The following ATP1B1 variants were observed in gnomAD, a reference collection of about 807,000 sequenced individuals.
The protein encoded by ATP1B1 is ATPase Na+/K+ transporting subunit beta 1.
Under a neutral mutation model 39.6 loss-of-function variants are expected in ATP1B1, and 3 were observed. That is an observed-to-expected ratio of 0.08 (90% CI 0.03 to 0.20). The LOEUF (loss-of-function observed/expected upper bound fraction) is 0.20, where lower values mean the gene tolerates loss of function less well. Ranked by LOEUF, ATP1B1 falls within the 10% of genes least tolerant of loss-of-function variation. The pLI, the probability that ATP1B1 is intolerant of heterozygous loss-of-function variation, is 1.00. For missense variants in ATP1B1, 216 were observed against 371.1 expected (o/e 0.58, Z 3.43); for synonymous variants, 139 against 135.0 (o/e 1.03, Z -0.20).
chr1:169,127,120 C>A, intron 3 of ATP1B1, 104 bp from the exon 4 acceptor site: 1 of 1,220,806 alleles, frequency 8.2e-7, no homozygotes, highest in Non-Finnish European at 1.1e-6. Context: ...TGCAGAATAG[C>A]GTACTCTCAG....
In ATP1B1 at chr1:169,113,963, GGTT is replaced by G. The variant is rs1657780491; in HGVS notation, c.226+2466_226+2468del. Among the ~76,000 whole-genome samples the G allele has an allele frequency of 2.6e-5, 4 of 152,188 alleles. No individual in the cohort carries two copies. In the South Asian group the frequency reaches 6.2e-4, roughly 24 times the overall value. On this transcript the variant is annotated intron_variant, in intron 2 of 5. Transcript: ENST00000367815. ...CCTCTTCACCTGCCTTACCCTGTGG[GGTT>G]TTTCGGGGGCCTTTACCAAGGGACA...
At chr1:169,108,832 G>A (rs1486992040) in intron 1 of ATP1B1, among the ~76,000 whole-genome samples, 1 of 152,170 alleles carries the variant, frequency 6.6e-6, no homozygotes, top group Non-Finnish European at 1.5e-5. Flanking sequence ...CATGTTCCAC[G>A]GTACAGGTGC....
intron 2 of ATP1B1, 149 bp downstream of exon 2, chr1:169,111,647 C>G: frequency 8.6e-7 from 1 of 1,160,868 alleles, no homozygotes; most frequent in Non-Finnish European, 1.2e-6. Context: ...TCGGCTGCAG[C>G]CAGATGTCCT....
At chr1:169,119,665 T>C (rs1657931167) in intron 2 of ATP1B1, among the ~76,000 whole-genome samples, 2 of 152,184 alleles carry the variant, frequency 1.3e-5, no homozygotes, top group Non-Finnish European at 2.9e-5. Flanking sequence ...AGAATTTGGG[T>C]GTGGCCTCAA....
Position 169,124,926 on chromosome 1 carries a change from T to G in ATP1B1, c.269T>G (p.Phe90Cys). Residue 90 changes from phenylalanine to cysteine, a missense_variant, in exon 3 of 6, where the codon TTT becomes TGT. Phe to Cys is a radical substitution (Grantham distance 205, BLOSUM62 -2). Transcript: ENST00000367815. ...IPQIQKTEIS[F>C]RPNDPKSYEA... ...CAGATCCAGAAGACTGAAATTTCCT[T>G]TCGTCCTAATGATCCCAAGAGCTAT... 1 of 1,614,010 alleles carries G rather than the reference T, an allele frequency of 6.2e-7. No homozygotes were observed. The highest frequency in any genetic ancestry group is 8.5e-7 in the Non-Finnish European group (1 of 1,179,958).
chr1:169,125,775 A>T (rs1056442450), intron 3 of ATP1B1, among the ~76,000 whole-genome samples: 1 of 152,068 alleles, frequency 6.6e-6, no homozygotes, highest in Non-Finnish European at 1.5e-5. Flanking sequence ...GGAGTTCGAG[A>T]CCAACCTGGG....
At chr1:169,127,706 A>G (rs543568334) in intron 4 of ATP1B1, among the ~76,000 whole-genome samples, 9 of 152,108 alleles carry the variant, frequency 5.9e-5, no homozygotes, top group African/African-American at 2.2e-4. Flanking sequence ...TATAACATAA[A>G]CTCTTTAAAA....
chr1:169,129,544 A>T (rs944915242), intron 4 of ATP1B1, among the ~76,000 whole-genome samples: 10 of 152,364 alleles, frequency 6.6e-5, no homozygotes, highest in South Asian at 6.2e-4. Flanking sequence ...ACAACAAAAA[A>T]GGAAAGCCTA....
intron 4 of ATP1B1, among the ~76,000 whole-genome samples, chr1:169,128,178 G>A (rs1352062270): frequency 2.0e-5 from 3 of 152,080 alleles, no homozygotes; most frequent in African/African-American, 7.2e-5. Flanking sequence ...TTCCCCTTAA[G>A]CCTGGCTTCT....
rs372350488 is a variant in ATP1B1, at chr1:169,127,210, G to A, written c.383-14G>A. 1.3e-5 allele frequency: 21 copies of A among 1,559,746 alleles called. No homozygotes were observed. The African/African-American group carries it at 1.8e-4, about 13-fold the overall frequency. ...ATTGCTGGTACAATATAAAAGTTGT[G>A]TTTTTATTTTTAGATGTGCCCAGTG... On this transcript the variant is annotated splice_polypyrimidine_tract_variant and intron_variant, in intron 3 of 5. Transcript: ENST00000367815.
chr1:169,128,675 A>G (rs948785727), intron 4 of ATP1B1, among the ~76,000 whole-genome samples: 1 of 152,236 alleles, frequency 6.6e-6, no homozygotes. Flanking sequence ...TCAATCAGCT[A>G]TTTAGCAGCA....
intron 2 of ATP1B1, among the ~76,000 whole-genome samples, chr1:169,114,237 A>G (rs1432507588): frequency 6.8e-6 from 1 of 147,432 alleles, no homozygotes; most frequent in Non-Finnish European, 1.5e-5. Context: ...TTAAGTATGC[A>G]GACAAACAGT....
At chr1:169,127,038 T>G (rs538971839) in intron 3 of ATP1B1, among the ~76,000 whole-genome samples, 186 bp from the exon 4 acceptor site, 206 of 152,344 alleles carry the variant, frequency 1.4e-3, no homozygotes, top group Non-Finnish European at 2.5e-3. Flanking sequence ...TGGTAAAATA[T>G]CTTTTAATAT....
At chr1:169,125,794 T>C (rs1658073243) in intron 3 of ATP1B1, among the ~76,000 whole-genome samples, 1 of 152,040 alleles carries the variant, frequency 6.6e-6, no homozygotes, top group South Asian at 2.1e-4. Flanking sequence ...GGCAACACAG[T>C]GAGACCCCAT....
chr1:169,108,821 C>A (rs1403656228), intron 1 of ATP1B1, among the ~76,000 whole-genome samples: 2 of 152,344 alleles, frequency 1.3e-5, no homozygotes, highest in Admixed American at 1.3e-4. Context: ...CTCTTCCCTT[C>A]CATGTTCCAC....
At chr1:169,110,878 C>T (rs1229756156) in intron 1 of ATP1B1, among the ~76,000 whole-genome samples, 1 of 152,112 alleles carries the variant, frequency 6.6e-6, no homozygotes, top group Non-Finnish European at 1.5e-5. Context: ...CAAAATAACC[C>T]TCAGGCATCT....
At chr1:169,111,241 A>G (rs1398342063) in intron 1 of ATP1B1, 129 bp from the exon 2 acceptor site, 31 of 1,296,700 alleles carry the variant, frequency 2.4e-5, no homozygotes, top group Non-Finnish European at 3.3e-5. Context: ...TGCACTCTTG[A>G]CGTTGGACAA....
At chr1:169,110,598 T>G (rs542109834) in intron 1 of ATP1B1, 1 of 822,386 alleles carries the variant, frequency 1.2e-6, no homozygotes, top group African/African-American at 2.1e-5. Flanking sequence ...CTTTTGCAGC[T>G]ATTTCAGCCT....
chr1:169,120,955 T>C (rs1329767190), intron 2 of ATP1B1, among the ~76,000 whole-genome samples: 3 of 149,366 alleles, frequency 2.0e-5, no homozygotes, highest in African/African-American at 4.9e-5. Flanking sequence ...CTTTTCTTTT[T>C]TTTTTTTTTT....
Sources: allele counts gnomAD v4.1 joint callset (sites outside exome capture counted in the v4.1 genomes callset), GRCh38; gene constraint gnomAD v4.1.1; transcripts MANE v1.5; gene names NCBI Gene and HGNC (gene_info 2026-07-23, HGNC 2026-07-21).